Variants in KCNK5 observed in about 807,000 individuals in gnomAD.
KCNK5 encodes the protein potassium channel subfamily K member 5.
Under a neutral mutation model 32.9 loss-of-function variants are expected in KCNK5, and 18 were observed. The ratio of observed to expected loss-of-function variants is 0.55; its 90% CI spans 0.38 to 0.81. The LOEUF (loss-of-function observed/expected upper bound fraction) is 0.81, where lower values mean the gene tolerates loss of function less well. KCNK5 is among the 30% of genes least tolerant of loss of function. KCNK5 has a pLI of 0.00. For missense variants in KCNK5, 507 were observed against 651.0 expected, an observed-to-expected ratio of 0.78 and a Z score of 2.41; for synonymous variants, 276 against 275.3, an observed-to-expected ratio of 1.00 and a Z score of -0.03.
intron 1 of KCNK5, 68 bp from the exon 2 acceptor site, chr6:39,196,055 A>T: frequency 9.3e-7 from 1 of 1,080,084 alleles, no homozygotes. Flanking sequence ...ACAGAACTGC[A>T]CTAAACTCCT....
chr6:39,196,001 C>G lies in KCNK5; in HGVS notation c.187-14G>C, dbSNP rs370444552. The G allele has an allele frequency of 8.2e-6, 13 of 1,593,116 alleles. No individual in the cohort carries two copies. Among genetic ancestry groups the G allele is most frequent in the Non-Finnish European group, 1.0e-5 (12 of 1,163,174 alleles). On this transcript the variant is annotated splice_polypyrimidine_tract_variant and intron_variant, in intron 1 of 4. Transcript: ENST00000359534. ...ATCAGATACCACCTAAAATGAGAAA[C>G]AGTAAAGGTCAGAGCTGAGGCCACA...
chr6:39,196,033 A>C, intron 1 of KCNK5, 46 bp from the exon 2 acceptor site: 1 of 1,384,746 alleles, frequency 7.2e-7, no homozygotes, highest in Non-Finnish European at 1.0e-6. Context: ...CACACTTAAC[A>C]GATGCTGATT....
At chr6:39,219,177 G>A (rs1771497686) in intron 1 of KCNK5, among the ~76,000 whole-genome samples, 1 of 152,140 alleles carries the variant, frequency 6.6e-6, no homozygotes, top group African/African-American at 2.4e-5. Flanking sequence ...AAAGGAATTC[G>A]GGAAAAGTTG....
chr6:39,204,194 A>G (rs1439829469), intron 1 of KCNK5, among the ~76,000 whole-genome samples: 1 of 152,254 alleles, frequency 6.6e-6, no homozygotes, highest in Non-Finnish European at 1.5e-5. Context: ...ATTTGCTCTG[A>G]TATCTATCTG....
At chr6:39,196,064 C>A in intron 1 of KCNK5, 77 bp from the exon 2 acceptor site, 1 of 936,058 alleles carries the variant, frequency 1.1e-6, no homozygotes. Context: ...CACTAAACTC[C>A]TTGTAAGCAT....
chr6:39,216,091 T>A lies in KCNK5; in HGVS notation c.186+12835A>T, dbSNP rs375268702. On this transcript the variant is annotated intron_variant, in intron 1 of 4. Coordinates refer to ENST00000359534, the MANE Select transcript of KCNK5 (RefSeq NM_003740.4). ...TGAGGTCAGGAGTTGGAGACCGGCCTGGCTAACATGGCGAAACCCTGTCTC... is the reference window on the plus strand; with the variant it reads ...TGAGGTCAGGAGTTGGAGACCGGCCAGGCTAACATGGCGAAACCCTGTCTC... Among the ~76,000 whole-genome samples, 38 of 152,340 alleles carry A rather than the reference T, an allele frequency of 2.5e-4. No individual in the cohort carries two copies. In the East Asian group the frequency reaches 2.7e-3, roughly 11 times the overall value.
At position 39,191,453 on chromosome 6, in the gene KCNK5, T is replaced by G; in HGVS notation, c.937A>C (p.Met313Leu). The G allele has an allele frequency of 6.2e-7, 1 of 1,612,252 alleles. No homozygotes were observed. The highest frequency in any genetic ancestry group is 8.5e-7 in the Non-Finnish European group (1 of 1,179,008). ...GTCTCCCCACCCCCGCTTGTCTTCA[T>G]GGCCTTCTTCCCGATCTGCTTGATG... ...DLIKQIGKKA[M>L]KTSGGGETGP... Residue 313 changes from methionine to leucine, a missense_variant, in exon 5 of 5, where the codon ATG becomes CTG. Met to Leu is a conservative substitution (Grantham distance 15). This residue lies in a region of KCNK5 where 252 missense variants were observed against 250.8 expected (regional missense o/e 1.00). Coordinates refer to ENST00000359534, the MANE Select transcript of KCNK5 (RefSeq NM_003740.4). This position sits in a 1 kb window ranked among gnomAD's most constrained non-coding sequence, Gnocchi z 5.8.
chr6:39,223,339 T>C (rs1424015154), intron 1 of KCNK5, among the ~76,000 whole-genome samples: 1 of 152,148 alleles, frequency 6.6e-6, no homozygotes, highest in Non-Finnish European at 1.5e-5. Flanking sequence ...TGGACAAAGA[T>C]CCCTACTGAG....
At chr6:39,205,544 C>G (rs533231086) in intron 1 of KCNK5, among the ~76,000 whole-genome samples, 1 of 152,334 alleles carries the variant, frequency 6.6e-6, no homozygotes, top group Admixed American at 6.5e-5. Context: ...GTGCTGGTGT[C>G]TCTGCCCTAT....
At chr6:39,210,152 T>C (rs2113790309) in intron 1 of KCNK5, among the ~76,000 whole-genome samples, 1 of 152,322 alleles carries the variant, frequency 6.6e-6, no homozygotes, top group East Asian at 1.9e-4. Flanking sequence ...TGAACTGTTT[T>C]CAGTGAGTGG....
At position 39,191,168 on chromosome 6, in the gene KCNK5, G is replaced by C. The variant is rs756932557; in HGVS notation, c.1222C>G (p.Gln408Glu). 3.1e-6 allele frequency: 5 copies of C among 1,614,222 alleles called. No individual in the cohort carries two copies. In the Admixed American group the frequency reaches 8.3e-5, roughly 27 times the overall value. The change falls in exon 5 of 5, where the codon CAG becomes GAG. Residue 408 changes from glutamine to glutamate, a missense_variant. Gln to Glu is a conservative substitution (Grantham distance 29). This residue lies in a region of KCNK5 where 252 missense variants were observed against 250.8 expected (regional missense o/e 1.00). Transcript: ENST00000359534. The surrounding 1 kb of genome is among the most constrained non-coding windows in gnomAD (Gnocchi z 5.8). ...TGGAAGATGAGTGGGTGGTAGTCCT[G>C]GGCGTCCCATGGCTCGCATTCCTCG... is the stretch of plus-strand genomic sequence containing the variant. ...ISEECEPWDA[Q>E]DYHPLIFQDA...
chr6:39,200,855 T>C (rs1771122522), intron 1 of KCNK5, among the ~76,000 whole-genome samples: 1 of 152,178 alleles, frequency 6.6e-6, no homozygotes, highest in Admixed American at 6.5e-5. Context: ...CCCTTGGCAG[T>C]GGTGGGGCAT....
chr6:39,193,171 G>A (rs1166585376), intron 4 of KCNK5, among the ~76,000 whole-genome samples: 2 of 148,362 alleles, frequency 1.3e-5, no homozygotes, highest in Middle Eastern at 3.4e-3. Flanking sequence ...ATGGCTAAGT[G>A]TACATCTGTA....
chr6:39,196,125 T>A, intron 1 of KCNK5, 138 bp from the exon 2 acceptor site: 1 of 569,338 alleles, frequency 1.8e-6, no homozygotes, highest in Non-Finnish European at 3.1e-6. Context: ...ATGTTACAGA[T>A]GAAACATTGT....
intron 1 of KCNK5, among the ~76,000 whole-genome samples, chr6:39,216,584 G>A (rs1325186126): frequency 6.6e-6 from 1 of 152,160 alleles, no homozygotes; most frequent in East Asian, 1.9e-4. Flanking sequence ...AGAGGGCCTG[G>A]GTTCAGGCCA....
intron 1 of KCNK5, among the ~76,000 whole-genome samples, chr6:39,223,133 G>A (rs1169890057): frequency 6.6e-6 from 1 of 152,170 alleles, no homozygotes; most frequent in Non-Finnish European, 1.5e-5. Flanking sequence ...ACCTGTGCAG[G>A]GACCGCTCCA....
chr6:39,209,242 C>T (rs548502878), intron 1 of KCNK5, among the ~76,000 whole-genome samples: 1 of 152,296 alleles, frequency 6.6e-6, no homozygotes, highest in East Asian at 1.9e-4. Context: ...AGACGATCCC[C>T]AAATAGTGTA....
chr6:39,191,872 G>A lies in KCNK5; in HGVS notation c.635-117C>T. ...GGCCAGAGCACAGGACGGGGGTGCA[G>A]TGGGATAGAAAGGGGCCTGTTCTAG... On this transcript the variant is annotated intron_variant, in intron 4 of 4. Transcript: ENST00000359534. This position sits in a 1 kb window ranked among gnomAD's most constrained non-coding sequence, Gnocchi z 5.8. 1 of 1,126,392 alleles carries A rather than the reference G, an allele frequency of 8.9e-7. No homozygotes were observed. Among genetic ancestry groups the A allele is most frequent in the Admixed American group, 2.3e-5 (1 of 44,258 alleles). The allele number at this position is 1,126,392 out of a possible 1,614,324, so 69.8% of individuals were successfully genotyped here. A position where few individuals can be genotyped will look rare whatever the true frequency, so the allele number is the denominator to read the frequency against.
intron 4 of KCNK5, among the ~76,000 whole-genome samples, chr6:39,193,610 C>A (rs1770979391): frequency 1.3e-5 from 2 of 152,210 alleles, no homozygotes; most frequent in South Asian, 4.1e-4. Flanking sequence ...TCATCACTTC[C>A]CTGGATTAAG....
Sources: gnomAD v4.1 joint callset for allele counts (sites outside exome capture counted in the v4.1 genomes callset) on GRCh38, gnomAD v4.1.1 for gene constraint, gnomAD v4.1.1 regional missense constraint, Gnocchi (gnomAD v3.1) non-coding constraint, MANE v1.5 for transcripts, NCBI Gene and HGNC (gene_info 2026-07-23, HGNC 2026-07-21) for gene names.